FHL2: variants seen among roughly 807,000 people sequenced by gnomAD.
The protein encoded by FHL2 is four and a half LIM domains 2.
A neutral mutation model predicts 32.7 loss-of-function variants in FHL2; 20 were observed. That is an observed-to-expected ratio of 0.61 (90% CI 0.43 to 0.89). The LOEUF (loss-of-function observed/expected upper bound fraction) is 0.89. Among genes scored for constraint, FHL2 ranks in the 40% least tolerant of loss-of-function variants. The pLI is 0.00. For synonymous variants in FHL2, 123 were observed against 128.1 expected, an observed-to-expected ratio of 0.96 and a Z score of 0.27; for missense variants, 311 against 358.6, an observed-to-expected ratio of 0.87 and a Z score of 1.07.
upstream of FHL2, among the ~76,000 whole-genome samples, chr2:105,402,877 A>T (rs1431474532): frequency 6.6e-6 from 1 of 152,258 alleles, no homozygotes; most frequent in Non-Finnish European, 1.5e-5. Flanking sequence ...AATAAGTGAC[A>T]GATCACAGAA....
chr2:105,411,787 A>T, intron 1 of FHL2, among the ~76,000 whole-genome samples: 1 of 151,282 alleles, frequency 6.6e-6, no homozygotes, highest in East Asian at 1.9e-4. Flanking sequence ...ACGCCAGTGC[A>T]CTCCAGCCTG....
intron 1 of FHL2, among the ~76,000 whole-genome samples, chr2:105,425,460 C>G (rs550991142): frequency 6.6e-6 from 1 of 152,082 alleles, no homozygotes; most frequent in South Asian, 2.1e-4. Context: ...CTGACTGTCC[C>G]CCAGCCCAAC....
chr2:105,404,781 G>A (rs1683575007), intron 1 of FHL2, among the ~76,000 whole-genome samples: 1 of 152,102 alleles, frequency 6.6e-6, no homozygotes, highest in Non-Finnish European at 1.5e-5. Context: ...AAAATGATTG[G>A]CTCTTTCTTG....
intron 1 of FHL2, among the ~76,000 whole-genome samples, chr2:105,423,625 A>C (rs921489231): frequency 6.6e-6 from 1 of 152,196 alleles, no homozygotes; most frequent in Non-Finnish European, 1.5e-5. Context: ...ACTTCAAACT[A>C]TATTACAAGG....
In FHL2 at chr2:105,436,264, T is replaced by C. The variant is rs546174630; in HGVS notation, c.-25+2135A>G. Among the ~76,000 whole-genome samples, 33 of 152,274 alleles carry C rather than the reference T, an allele frequency of 2.2e-4. 1 individual carries two copies. In the South Asian group the frequency reaches 6.4e-3, roughly 30 times the overall value. On this transcript the variant is annotated intron_variant, in intron 1 of 5. Coordinates refer to the FHL2 transcript ENST00000393352. ...GCATGCAGATCAAGGCGCAAGGTGG[T>C]TGAGTTTTTCATGATTCAAAAGGGA...
At chr2:105,416,332 T>C (rs1683937618) in intron 1 of FHL2, among the ~76,000 whole-genome samples, 1 of 152,224 alleles carries the variant, frequency 6.6e-6, no homozygotes, top group South Asian at 2.1e-4. Context: ...GAAAGCTCAA[T>C]GCTCATGTCT....
At chr2:105,425,666 T>A (rs1684242083) in intron 1 of FHL2, among the ~76,000 whole-genome samples, 4 of 152,092 alleles carry the variant, frequency 2.6e-5, no homozygotes, top group Admixed American at 6.5e-5. Flanking sequence ...TTTGCAGTAA[T>A]ACTGCCTTGT....
At chr2:105,421,937 T>C (rs1684113701) in intron 1 of FHL2, among the ~76,000 whole-genome samples, 1 of 152,220 alleles carries the variant, frequency 6.6e-6, no homozygotes, top group Non-Finnish European at 1.5e-5. Flanking sequence ...AGTTTTATAT[T>C]AAGACCAGAG....
At position 105,399,028 on chromosome 2, in the gene FHL2, C is replaced by T; in HGVS notation, c.-262G>A. On this transcript the variant is annotated 5_prime_UTR_variant, in exon 1 of 7. Transcript: ENST00000530340. Reference sequence around the variant, plus strand: ...GCTGGAGGGCGCGGGCGGCTGGTGGCTGCGGCTCCGCTGCCGGCCGAGTGG... The same window carrying T: ...GCTGGAGGGCGCGGGCGGCTGGTGGTTGCGGCTCCGCTGCCGGCCGAGTGG... 6.7e-7 allele frequency: 1 copy of T among 1,495,534 alleles called. No homozygotes were observed. The highest frequency in any genetic ancestry group is 8.9e-7 in the Non-Finnish European group (1 of 1,125,394). 92.6% of individuals were successfully genotyped at this position (1,495,534 alleles called of 1,614,324 possible).
rs938583231 is a variant in FHL2, at chr2:105,398,704, C to A, written c.-76+138G>T. On this transcript the variant is annotated intron_variant, in intron 1 of 6. Coordinates refer to ENST00000530340, the MANE Select transcript of FHL2 (RefSeq NM_001318895.3). ...CTCCCCTCTCCCCGTGGTCTCCCCA[C>A]CCCCAACCCCCAGGGTTCGGCTCTC... 121 of 645,488 alleles carry A rather than the reference C, an allele frequency of 1.9e-4. 1 individual carries two copies. The highest frequency in any genetic ancestry group is 1.4e-3 in the Middle Eastern group (4 of 2,798). 40.0% of individuals were successfully genotyped at this position (645,488 alleles called of 1,614,324 possible). A position where few individuals can be genotyped will look rare whatever the true frequency, so the allele number is the denominator to read the frequency against.
At chr2:105,429,745 T>A (rs564141503) in intron 1 of FHL2, among the ~76,000 whole-genome samples, 1 of 152,304 alleles carries the variant, frequency 6.6e-6, no homozygotes, top group Admixed American at 6.5e-5. Context: ...CAACTATAGC[T>A]CCTTAGTTCA....
rs767088506 is a variant in FHL2 at position 105,398,867 on chromosome 2, C to A, written c.-101G>T. 2.7e-6 allele frequency: 4 copies of A among 1,486,006 alleles called. No homozygotes were observed. Among genetic ancestry groups the A allele is most frequent in the Middle Eastern group, 1.8e-4 (1 of 5,578 alleles). 92.1% of individuals were successfully genotyped at this position (1,486,006 alleles called of 1,614,324 possible). On this transcript the variant is annotated 5_prime_UTR_variant, in exon 1 of 7. Coordinates refer to ENST00000530340, the MANE Select transcript of FHL2 (RefSeq NM_001318895.3). ...CAGTCTCCCCAACTCCGGCTCTGCT[C>A]CCCTCTCCTTGGGTCTCGCACCGGA...
At chr2:105,426,120 A>G (rs892346943) in intron 1 of FHL2, among the ~76,000 whole-genome samples, 4 of 151,834 alleles carry the variant, frequency 2.6e-5, no homozygotes, top group Admixed American at 1.3e-4. Flanking sequence ...ACACTATGTC[A>G]TCATCGGGGG....
chr2:105,438,480 T>A (rs1276537850), exon 1 of FHL2: 7 of 985,488 alleles, frequency 7.1e-6, no homozygotes, highest in Non-Finnish European at 8.4e-6. Context: ...CCTGGTTGGA[T>A]GGCCCCAACC....
intron 3 of FHL2, among the ~76,000 whole-genome samples, chr2:105,382,919 T>C (rs1682004350): frequency 1.3e-5 from 2 of 152,234 alleles, no homozygotes; most frequent in African/African-American, 4.8e-5. Context: ...GGAGTCTTGC[T>C]CTGTCACCCA....
At chr2:105,416,903 T>C (rs1573397117) in intron 1 of FHL2, among the ~76,000 whole-genome samples, 1 of 152,188 alleles carries the variant, frequency 6.6e-6, no homozygotes, top group Non-Finnish European at 1.5e-5. Flanking sequence ...TGGGAAAATA[T>C]CTACTGCCAA....
chr2:105,427,497 T>C (rs886375299), intron 1 of FHL2, among the ~76,000 whole-genome samples: 2 of 152,108 alleles, frequency 1.3e-5, no homozygotes, highest in African/African-American at 4.8e-5. Context: ...TTTAGAACAA[T>C]GTCACAAAAG....
At chr2:105,407,208 C>G (rs1401382691) in intron 1 of FHL2, among the ~76,000 whole-genome samples, 2 of 151,982 alleles carry the variant, frequency 1.3e-5, no homozygotes, top group African/African-American at 4.8e-5. Flanking sequence ...CTGGCTAACA[C>G]GGTGAAACCC....
upstream of FHL2, among the ~76,000 whole-genome samples, chr2:105,404,169 C>T (rs1483112195): frequency 1.3e-5 from 2 of 152,210 alleles, no homozygotes; most frequent in Non-Finnish European, 2.9e-5. Context: ...TGTTCGTTAC[C>T]CTAACTGACC....
Sources: gnomAD v4.1 joint callset for allele counts (sites outside exome capture counted in the v4.1 genomes callset) on GRCh38, gnomAD v4.1.1 for gene constraint, MANE v1.5 for transcripts, NCBI Gene and HGNC (gene_info 2026-07-23, HGNC 2026-07-21) for gene names.